The following BRINP1 variants were observed in gnomAD, a reference collection of about 807,000 sequenced individuals.
BRINP1 encodes the protein BMP/retinoic acid-inducible neural-specific protein 1.
BRINP1 carries 17 observed loss-of-function variants against 72.9 expected under a neutral mutation model. The observed-to-expected ratio is 0.23, with a 90% CI of 0.16 to 0.35. BRINP1 has a LOEUF of 0.35. BRINP1 is among the 10% of genes least tolerant of loss of function. BRINP1 has a pLI of 1.00. For synonymous variants in BRINP1, 418 were observed against 378.5 expected (o/e 1.10, Z -1.21); for missense variants, 850 against 1,001.6 (o/e 0.85, Z 2.04).
At chr9:119,170,024 A>G (rs1303393565) in intron 7 of BRINP1, among the ~76,000 whole-genome samples, 2 of 152,188 alleles carry the variant, frequency 1.3e-5, no homozygotes, top group Non-Finnish European at 2.9e-5. Context: ...AACCACAAAG[A>G]TGGGGAAAAA....
intron 7 of BRINP1, among the ~76,000 whole-genome samples, chr9:119,178,576 A>C (rs1241346758): frequency 6.6e-6 from 1 of 152,200 alleles, no homozygotes; most frequent in East Asian, 1.9e-4. Flanking sequence ...AATTGTAGGC[A>C]GTGTCCTAAA....
At chr9:119,304,249 A>G (rs1830971751) in intron 2 of BRINP1, among the ~76,000 whole-genome samples, 1 of 152,144 alleles carries the variant, frequency 6.6e-6, no homozygotes, top group African/African-American at 2.4e-5. Context: ...TATTTTGCAG[A>G]TGGAGAAATT....
At chr9:119,313,668 T>C (rs1291247645) in intron 1 of BRINP1, among the ~76,000 whole-genome samples, 1 of 152,166 alleles carries the variant, frequency 6.6e-6, no homozygotes, top group East Asian at 1.9e-4. Context: ...TACAAACTGT[T>C]TGGTCTATTA....
chr9:119,330,399 T>C (rs1038494369), intron 1 of BRINP1, among the ~76,000 whole-genome samples: 3 of 152,230 alleles, frequency 2.0e-5, no homozygotes, highest in Non-Finnish European at 4.4e-5. Flanking sequence ...GCAAATTCTC[T>C]GAAATGCCTC....
intron 5 of BRINP1, among the ~76,000 whole-genome samples, chr9:119,231,864 AT>A (rs200936981): frequency 9.2e-5 from 14 of 151,496 alleles, no homozygotes; most frequent in East Asian, 5.8e-4. Flanking sequence ...CAATAACTGA[AT>A]TTTTTTTTCT....
intron 2 of BRINP1, among the ~76,000 whole-genome samples, chr9:119,279,182 C>T (rs1221143): frequency 0.53 from 80,217 of 152,004 alleles, 21,714 homozygotes; most frequent in African/African-American, 0.62. Flanking sequence ...TTGGGGAAAG[C>T]TCAGTGTGAA....
At chr9:119,198,463 C>T (rs954326722) in intron 7 of BRINP1, among the ~76,000 whole-genome samples, 1 of 152,144 alleles carries the variant, frequency 6.6e-6, no homozygotes, top group African/African-American at 2.4e-5. Flanking sequence ...GACAGTCACA[C>T]ACTTTGGTCT....
chr9:119,332,135 G>A (rs1032441560), intron 1 of BRINP1, among the ~76,000 whole-genome samples: 3 of 152,062 alleles, frequency 2.0e-5, no homozygotes, highest in African/African-American at 7.2e-5. Context: ...ATTTCTAAGG[G>A]CCCAACCAGT....
intron 7 of BRINP1, among the ~76,000 whole-genome samples, chr9:119,191,587 A>C (rs1171354852): frequency 1.3e-5 from 2 of 151,926 alleles, no homozygotes. Flanking sequence ...TGCACTGAAA[A>C]CTACAAAACA....
intron 1 of BRINP1, among the ~76,000 whole-genome samples, chr9:119,320,937 GT>G (rs535523914): frequency 7.5e-5 from 11 of 146,282 alleles, no homozygotes; most frequent in African/African-American, 7.5e-5. Flanking sequence ...TCTCCATTTT[GT>G]TTTTTTTTTT....
intron 3 of BRINP1, among the ~76,000 whole-genome samples, chr9:119,247,777 C>T (rs1830339359): frequency 1.3e-5 from 2 of 151,382 alleles, no homozygotes; most frequent in African/African-American, 4.9e-5. Flanking sequence ...ACTAGCTGTA[C>T]TTCTTCTGGG....
chr9:119,204,840 G>A (rs960322275), intron 7 of BRINP1, among the ~76,000 whole-genome samples: 2 of 152,144 alleles, frequency 1.3e-5, no homozygotes, highest in Admixed American at 6.5e-5. Flanking sequence ...GCCAGGATTC[G>A]GACCAGTCCA....
Position 119,208,923 on chromosome 9 carries a change from A to G in BRINP1, c.941T>C (p.Met314Thr). The G allele has an allele frequency of 1.2e-6, 2 of 1,614,064 alleles. No homozygotes were observed. Among genetic ancestry groups the G allele is most frequent in the Non-Finnish European group, 1.7e-6 (2 of 1,179,920 alleles). ...LENSDEFKSF[M>T]KRLPSNHFLT... Reference sequence around the variant, plus strand: ...GAAGTGGTTGCTGGGGAGGCGCTTCATAAATGATTTAAACTCATCTAGTGA... The same window carrying G: ...GAAGTGGTTGCTGGGGAGGCGCTTCGTAAATGATTTAAACTCATCTAGTGA... Residue 314 changes from methionine (M) to threonine (T), a missense_variant, in exon 7 of 8, where the codon ATG becomes ACG. Physicochemically the swap from Met to Thr is moderately conservative, Grantham distance 81. Coordinates refer to ENST00000265922, the MANE Select transcript of BRINP1 (RefSeq NM_014618.3).
At chr9:119,299,479 G>C (rs528144420) in intron 2 of BRINP1, among the ~76,000 whole-genome samples, 4 of 152,210 alleles carry the variant, frequency 2.6e-5, no homozygotes, top group Non-Finnish European at 5.9e-5. Context: ...CTGGTGTGGT[G>C]GCACATGCCT....
intron 7 of BRINP1, among the ~76,000 whole-genome samples, chr9:119,196,866 T>C (rs1230653552): frequency 1.3e-5 from 2 of 152,240 alleles, no homozygotes; most frequent in African/African-American, 4.8e-5. Flanking sequence ...TCCCACACTC[T>C]ATTCTTCATA....
intron 7 of BRINP1, among the ~76,000 whole-genome samples, chr9:119,193,402 G>C (rs1829702081): frequency 6.6e-6 from 1 of 152,054 alleles, no homozygotes; most frequent in South Asian, 2.1e-4. Context: ...CAGAGAAATA[G>C]ATAATGGAAA....
At chr9:119,350,014 A>C (rs1831491068) in intron 1 of BRINP1, among the ~76,000 whole-genome samples, 1 of 152,076 alleles carries the variant, frequency 6.6e-6, no homozygotes, top group Non-Finnish European at 1.5e-5. Flanking sequence ...TGCACAGTTC[A>C]CAAACTGCAG....
intron 1 of BRINP1, among the ~76,000 whole-genome samples, chr9:119,337,786 C>T (rs942898574): frequency 2.0e-5 from 3 of 152,254 alleles, no homozygotes; most frequent in Admixed American, 2.0e-4. Flanking sequence ...TCTGCCTCTT[C>T]TAGGAAGTTT....
chr9:119,179,316 G>T (rs902711694), intron 7 of BRINP1, among the ~76,000 whole-genome samples: 10 of 152,200 alleles, frequency 6.6e-5, no homozygotes, highest in African/African-American at 2.4e-4. Context: ...TGTTGGATGG[G>T]ATTTCAATTC....
Sources: allele counts gnomAD v4.1 joint callset (sites outside exome capture counted in the v4.1 genomes callset), GRCh38; gene constraint gnomAD v4.1.1; transcripts MANE v1.5; gene names NCBI Gene and HGNC (gene_info 2026-07-23, HGNC 2026-07-21).